The following EYS variants were observed in gnomAD, a reference collection of about 807,000 sequenced individuals.
EYS encodes protein eyes shut homolog.
A neutral mutation model predicts 282.1 loss-of-function variants in EYS; 250 were observed. The observed-to-expected ratio is 0.89, with a 90% CI of 0.80 to 0.98. EYS has a LOEUF of 0.98. EYS is among the 50% of genes least tolerant of loss of function. The pLI is 0.00. For synonymous variants in EYS, 1,355 were observed against 1,282.9 expected (o/e 1.06, Z -1.20); for missense variants, 4,016 against 3,709.0 (o/e 1.08, Z -2.15).
intron 22 of EYS, among the ~76,000 whole-genome samples, chr6:64,716,496 C>A (rs1250894106): frequency 6.6e-6 from 1 of 152,174 alleles, no homozygotes; most frequent in Non-Finnish European, 1.5e-5. Flanking sequence ...TCCTCTCTAA[C>A]AATTGTGCCT....
intron 28 of EYS, among the ~76,000 whole-genome samples, chr6:64,421,483 T>C (rs1308045502): frequency 6.6e-6 from 1 of 152,086 alleles, no homozygotes; most frequent in Admixed American, 6.6e-5. Context: ...TTAGTATAAC[T>C]CTTAAATTAT....
chr6:64,674,755 C>T (rs1303506336), intron 22 of EYS, among the ~76,000 whole-genome samples: 1 of 146,906 alleles, frequency 6.8e-6, no homozygotes, highest in Non-Finnish European at 1.5e-5. Context: ...CACACACACG[C>T]ATATATACAT....
intron 36 of EYS, among the ~76,000 whole-genome samples, chr6:63,831,684 A>G (rs1035279557): frequency 4.6e-5 from 7 of 152,208 alleles, no homozygotes; most frequent in Admixed American, 4.6e-4. Context: ...AAGGATATCC[A>G]GGTATTGAAC....
intron 14 of EYS, among the ~76,000 whole-genome samples, chr6:64,976,697 A>T (rs536097347): frequency 2.0e-4 from 31 of 152,110 alleles, no homozygotes; most frequent in Non-Finnish European, 3.8e-4. Context: ...TTTAGAACAT[A>T]GCAGCCATTT....
chr6:63,859,395 G>C (rs1772479268), intron 36 of EYS, among the ~76,000 whole-genome samples: 1 of 151,920 alleles, frequency 6.6e-6, no homozygotes, highest in African/African-American at 2.4e-5. Context: ...TTTTAACCCA[G>C]GCAGATTGAT....
At chr6:64,257,614 GCAAAGGTACACAATT>G in intron 30 of EYS, among the ~76,000 whole-genome samples, 2 of 152,076 alleles carry the variant, frequency 1.3e-5, no homozygotes, top group South Asian at 4.1e-4. Flanking sequence ...ACAATATCAA[GCAAAGGTACACAATT>G]CATTTTAGTT....
chr6:65,097,115 C>T (rs571749523), intron 12 of EYS, among the ~76,000 whole-genome samples: 4 of 151,010 alleles, frequency 2.6e-5, no homozygotes, highest in African/African-American at 9.7e-5. Flanking sequence ...GGTTAATATA[C>T]AAAATATATA....
chr6:65,064,656 A>T (rs1472822740), intron 12 of EYS, among the ~76,000 whole-genome samples: 1 of 151,320 alleles, frequency 6.6e-6, no homozygotes, highest in Non-Finnish European at 1.5e-5. Flanking sequence ...GAAGAATATG[A>T]TTTATATTAT....
In EYS at chr6:64,744,316, T is replaced by G. The variant is rs138879794; in HGVS notation, c.3443+69062A>C. ...AGTTAAAAGAGACTTAAATCCCAAG[T>G]TGGGTAAGACTTGGAGTGAGAAACA... On this transcript the variant is annotated intron_variant, in intron 22 of 42. Coordinates refer to ENST00000503581, the MANE Select transcript of EYS (RefSeq NM_001142800.2). Among the ~76,000 whole-genome samples the G allele has an allele frequency of 3.9e-3, 588 of 152,220 alleles. 2 individuals carry two copies. The highest frequency in any genetic ancestry group is 0.01 in the African/African-American group (430 of 41,568).
rs1214543701 is a variant in EYS, at chr6:65,550,305, T to A, written c.-332-54312A>T. Among the ~76,000 whole-genome samples the A allele has an allele frequency of 4.8e-4, 22 of 45,450 alleles. 9 individuals are homozygous for A. The highest frequency in any genetic ancestry group is 1.6e-3 in the African/African-American group (8 of 4,892). The allele number at this position is 45,450 out of a possible 152,430, so 29.8% of individuals were successfully genotyped here. A position where few individuals can be genotyped will look rare whatever the true frequency, so the allele number is the denominator to read the frequency against. On this transcript the variant is annotated intron_variant, in intron 2 of 42. Coordinates refer to ENST00000503581, the MANE Select transcript of EYS (RefSeq NM_001142800.2). Reference sequence around the variant, plus strand: ...AGATATCTGCAAGATTGCTTTTTTTTTTTTTTTTTGCTTCTGAGAGTTGTT... The same window carrying A: ...AGATATCTGCAAGATTGCTTTTTTTATTTTTTTTTGCTTCTGAGAGTTGTT...
chr6:64,336,929 G>A (rs970089514), intron 29 of EYS, among the ~76,000 whole-genome samples: 10 of 151,974 alleles, frequency 6.6e-5, no homozygotes, highest in Admixed American at 6.6e-4. Context: ...CAAACTGAAC[G>A]ACAATGACGA....
chr6:63,750,624 G>A (rs1769320277), intron 41 of EYS, among the ~76,000 whole-genome samples: 1 of 152,164 alleles, frequency 6.6e-6, no homozygotes, highest in African/African-American at 2.4e-5. Context: ...TTGGACTCAT[G>A]TTCTACTGTT....
At chr6:65,385,826 G>T (rs1273540274) in intron 7 of EYS, among the ~76,000 whole-genome samples, 2 of 151,976 alleles carry the variant, frequency 1.3e-5, no homozygotes, top group East Asian at 1.9e-4. Flanking sequence ...GGGCTAGCTA[G>T]ATATCCAGAA....
At chr6:65,450,112 C>T (rs1215997439) in intron 5 of EYS, among the ~76,000 whole-genome samples, 1 of 152,124 alleles carries the variant, frequency 6.6e-6, no homozygotes, top group Non-Finnish European at 1.5e-5. Flanking sequence ...ATGTCTAATT[C>T]TGACATTCTT....
chr6:64,686,263 T>C (rs1770096067), intron 22 of EYS, among the ~76,000 whole-genome samples: 1 of 151,214 alleles, frequency 6.6e-6, no homozygotes, highest in Non-Finnish European at 1.5e-5. Context: ...TAGAGGGAAG[T>C]AAATACACAT....
chr6:65,096,603 A>G (rs1463649427), intron 12 of EYS, among the ~76,000 whole-genome samples: 1 of 151,036 alleles, frequency 6.6e-6, no homozygotes, highest in Admixed American at 6.6e-5. Context: ...CAAAGCTATG[A>G]CAATTAAAGT....
chr6:64,526,314 T>C (rs1232190539), intron 26 of EYS, among the ~76,000 whole-genome samples: 1 of 151,724 alleles, frequency 6.6e-6, no homozygotes, highest in Admixed American at 6.6e-5. Flanking sequence ...ACTATAGTAC[T>C]GCATAACATT....
At chr6:63,959,222 T>G (rs188335063) in intron 35 of EYS, among the ~76,000 whole-genome samples, 1 of 152,054 alleles carries the variant, frequency 6.6e-6, no homozygotes, top group African/African-American at 2.4e-5. Flanking sequence ...CAGACAACTC[T>G]CAAAAGAAGA....
At chr6:65,643,291 G>A (rs145361297) in intron 1 of EYS, among the ~76,000 whole-genome samples, 29 of 152,238 alleles carry the variant, frequency 1.9e-4, no homozygotes, top group African/African-American at 3.9e-4. Context: ...TGACCTGTAC[G>A]ACTCAGCAGA....
Sources: allele counts gnomAD v4.1 joint callset (sites outside exome capture counted in the v4.1 genomes callset), GRCh38; gene constraint gnomAD v4.1.1; transcripts MANE v1.5; gene names NCBI Gene and HGNC (gene_info 2026-07-23, HGNC 2026-07-21).